YLPM1: variants seen among roughly 807,000 people sequenced by gnomAD.
YLPM1 encodes YLP motif-containing protein 1.
YLPM1 carries 99 observed loss-of-function variants against 230.0 expected under a neutral mutation model. The observed-to-expected ratio is 0.43, with a 90% CI of 0.37 to 0.51. The LOEUF is 0.51. YLPM1 is among the 20% of genes least tolerant of loss of function. The pLI, the probability that YLPM1 is intolerant of heterozygous loss-of-function variation, is 0.00. For missense variants in YLPM1, 2,592 were observed against 2,707.7 expected, an observed-to-expected ratio of 0.96 and a Z score of 0.95; for synonymous variants, 984 against 942.5, an observed-to-expected ratio of 1.04 and a Z score of -0.81.
At chr14:74,764,481 A>G in intron 1 of YLPM1, 119 bp downstream of exon 1, 6 of 1,300,022 alleles carry the variant, frequency 4.6e-6, no homozygotes, top group South Asian at 1.7e-5. Context: ...TAACACTCCA[A>G]AGGATTCCGT....
chr14:74,780,452 A>G lies in YLPM1; in HGVS notation c.1158A>G (p.Ala386=), dbSNP rs2091081708. Residue 386 remains alanine (A), a synonymous_variant, in exon 3 of 21, where the codon GCA becomes GCG. Transcript: ENST00000325680. ...CCAGGTTAAAGCAGTTGCAGGCTGCAGCAGCACACTGGCAGCAGCACCAGC... is the reference window on the plus strand; with the variant it reads ...CCAGGTTAAAGCAGTTGCAGGCTGCGGCAGCACACTGGCAGCAGCACCAGC... ...EDARLKQLQA[A]AAHWQQHQQH... 5 of 1,613,790 alleles carry G rather than the reference A, an allele frequency of 3.1e-6. No homozygotes were observed. The South Asian group carries it at 5.5e-5, about 18-fold the overall frequency.
Position 74,811,600 on chromosome 14 carries a change from C to T in YLPM1, c.5229-20C>T, listed in dbSNP as rs1342579463. 1 of 1,577,486 alleles carries T rather than the reference C, an allele frequency of 6.3e-7. No individual in the cohort carries two copies. The highest frequency in any genetic ancestry group is 1.1e-5 in the South Asian group (1 of 87,202). On this transcript the variant is annotated intron_variant, in intron 9 of 20. Transcript: ENST00000325680. ...CAAATATTTTTTATTTGCTGAAGCG[C>T]TTCCTATTACACCTTCTAGAGCTCA...
intron 1 of YLPM1, among the ~76,000 whole-genome samples, chr14:74,769,259 CTTTTTTTT>C (rs34023289): frequency 7.8e-5 from 3 of 38,410 alleles, no homozygotes; most frequent in Non-Finnish European, 1.1e-4. Context: ...GTATTTTTAT[CTTTTTTTT>C]TTTTTTTTTT....
intron 6 of YLPM1, among the ~76,000 whole-genome samples, chr14:74,804,865 TG>T (rs1301010993): frequency 6.6e-6 from 1 of 152,220 alleles, no homozygotes; most frequent in Admixed American, 6.5e-5. Flanking sequence ...CTTTCCATAT[TG>T]TTATATGCTA....
intron 9 of YLPM1, 134 bp from the exon 10 acceptor site, chr14:74,811,483 CAAA>C: frequency 6.5e-6 from 3 of 463,524 alleles, no homozygotes; most frequent in South Asian, 5.6e-5. Context: ...ACCCCAATCT[CAAA>C]AAAAAAAAGT....
At position 74,778,700 on chromosome 14, in the gene YLPM1, T is replaced by C. The variant is rs759252185; in HGVS notation, c.1110+17T>C. On this transcript the variant is annotated intron_variant, in intron 2 of 20. Coordinates refer to ENST00000325680, the MANE Select transcript of YLPM1 (RefSeq NM_019589.3). ...GAACCCCAGGTAACCATATAATTAATTGTTTGTGTTTATTAAATTATTTAG... is the reference window on the plus strand; with the variant it reads ...GAACCCCAGGTAACCATATAATTAACTGTTTGTGTTTATTAAATTATTTAG... The C allele has an allele frequency of 1.3e-6, 2 of 1,522,528 alleles. No individual in the cohort carries two copies. The highest frequency in any genetic ancestry group is 4.3e-5 in the Admixed American group (2 of 46,440). 94.3% of individuals were successfully genotyped at this position (1,522,528 alleles called of 1,614,324 possible).
Position 74,798,927 on chromosome 14 carries a change from T to C in YLPM1, c.3630T>C (p.Asn1210=). The change falls in exon 5 of 21, where the codon AAT becomes AAC. Residue 1210 remains asparagine (N), a synonymous_variant. Coordinates refer to ENST00000325680, the MANE Select transcript of YLPM1 (RefSeq NM_019589.3). ...GHEEFPLDGR[N]APMERERLDD... is the part of the protein sequence containing the mutation. ...AAGAGTTTCCATTAGATGGTAGAAA[T>C]GCTCCAATGGAACGAGAAAGACTCG... 1 of 1,613,706 alleles carries C rather than the reference T, an allele frequency of 6.2e-7. No homozygotes were observed. Among genetic ancestry groups the C allele is most frequent in the Non-Finnish European group, 8.5e-7 (1 of 1,179,826 alleles).
intron 18 of YLPM1, among the ~76,000 whole-genome samples, chr14:74,828,222 T>G (rs947224640): frequency 6.6e-6 from 1 of 152,214 alleles, no homozygotes; most frequent in African/African-American, 2.4e-5. Flanking sequence ...ACACTCTTTA[T>G]GGAATTCAAT....
At chr14:74,769,908 C>T (rs1205254384) in intron 1 of YLPM1, among the ~76,000 whole-genome samples, 4 of 134,486 alleles carry the variant, frequency 3.0e-5, no homozygotes, top group Admixed American at 7.6e-5. Context: ...GGTGGCCGGG[C>T]GCAGTGGCTC....
chr14:74,801,231 C>G (rs964502254), intron 5 of YLPM1, among the ~76,000 whole-genome samples: 6 of 152,118 alleles, frequency 3.9e-5, no homozygotes, highest in Non-Finnish European at 5.9e-5. Context: ...TGGATAATGT[C>G]ATAGCCGAAT....
At chr14:74,831,792 G>A (rs1179806393) in intron 19 of YLPM1, among the ~76,000 whole-genome samples, 3 of 152,174 alleles carry the variant, frequency 2.0e-5, no homozygotes, top group Non-Finnish European at 1.5e-5. Context: ...GGGTTTCTTT[G>A]TTTCTGTGAT....
chr14:74,818,163 A>G (rs896692765), intron 15 of YLPM1, 68 bp from the exon 16 acceptor site: 1 of 902,112 alleles, frequency 1.1e-6, no homozygotes, highest in African/African-American at 1.7e-5. Flanking sequence ...AATGTTGTTT[A>G]TCTTGGATGC....
At position 74,780,582 on chromosome 14, in the gene YLPM1, C is replaced by T. The variant is rs1239357033; in HGVS notation, c.1288C>T (p.Gln430Ter). ...GATTATACAGCCCCCACCACATATA[C>T]AGGCAAGTGCTTCCATAGTCCACAA... ...QQIIQPPPHI[Q>*]TMSVDMQLRH... Residue 430 changes from glutamine to a stop codon, truncating the protein, a stop_gained and splice_region_variant, in exon 3 of 21, where the codon CAG becomes TAG. Transcript: ENST00000325680. LOFTEE classifies it high-confidence loss of function. 1.9e-6 allele frequency: 3 copies of T among 1,605,824 alleles called. No homozygotes were observed. The highest frequency in any genetic ancestry group is 1.3e-5 in the African/African-American group (1 of 74,750).
intron 1 of YLPM1, among the ~76,000 whole-genome samples, chr14:74,769,259 C>CTTTTTTTTTTTTTT (rs34023289): frequency 2.6e-5 from 1 of 38,400 alleles, no homozygotes; most frequent in African/African-American, 7.4e-5. Context: ...GTATTTTTAT[C>CTTTTTTTTTTTTTT]TTTTTTTTTT....
intron 1 of YLPM1, among the ~76,000 whole-genome samples, chr14:74,772,305 T>G (rs189142201): frequency 6.6e-6 from 1 of 151,486 alleles, no homozygotes; most frequent in Non-Finnish European, 1.5e-5. Flanking sequence ...TATTCGTGCC[T>G]CGGCAGCATC....
chr14:74,766,191 G>A (rs2090909602), intron 1 of YLPM1, among the ~76,000 whole-genome samples: 1 of 152,142 alleles, frequency 6.6e-6, no homozygotes, highest in African/African-American at 2.4e-5. Context: ...CCACAGATTT[G>A]TTGAATAAAA....
At chr14:74,774,669 G>A (rs925077106) in intron 1 of YLPM1, among the ~76,000 whole-genome samples, 3 of 152,100 alleles carry the variant, frequency 2.0e-5, no homozygotes, top group African/African-American at 4.8e-5. Context: ...GCCTCCCAGA[G>A]TGCTGGGATT....
Position 74,781,898 on chromosome 14 carries a change from A to T in YLPM1, c.1855A>T (p.Met619Leu). 6.2e-7 allele frequency: 1 copy of T among 1,612,996 alleles called. No homozygotes were observed. Among genetic ancestry groups the T allele is most frequent in the Non-Finnish European group, 8.5e-7 (1 of 1,179,682 alleles). Residue 619 changes from methionine to leucine, a missense_variant, in exon 4 of 21, where the codon ATG becomes TTG. Transcript: ENST00000325680. ...CTCTTCAACAGCACCTCCACCTGTC[A>T]TGCCCCTCCCACCATTGTCTTCAGC... Reference protein sequence around the residue: ...SLSSTAPPPVMPLPPLSSATP... With the variant: ...SLSSTAPPPVLPLPPLSSATP...
In YLPM1 at chr14:74,829,327, A is replaced by C. The variant is rs768559715; in HGVS notation, c.6278A>C (p.Glu2093Ala). 6.2e-7 allele frequency: 1 copy of C among 1,613,080 alleles called. No individual in the cohort carries two copies. Among genetic ancestry groups the C allele is most frequent in the South Asian group, 1.1e-5 (1 of 91,072 alleles). The change falls in exon 19 of 21, where the codon GAG (glutamate) becomes GCG (alanine). Residue 2093 changes from glutamate to alanine, a missense_variant. Glu to Ala is a moderately radical substitution (Grantham distance 107, BLOSUM62 -1). Coordinates refer to ENST00000325680, the MANE Select transcript of YLPM1 (RefSeq NM_019589.3). ...LPDDYDTRAS[E>A]PGKKRVRWAD... ...GATGATTATGATACTCGTGCTTCTG[A>C]GCCTGGGAAGAAGAGGGTAAGAGAC...
Sources: gnomAD v4.1 joint callset for allele counts (sites outside exome capture counted in the v4.1 genomes callset) on GRCh38, gnomAD v4.1.1 for gene constraint, MANE v1.5 for transcripts, NCBI Gene and HGNC (gene_info 2026-07-23, HGNC 2026-07-21) for gene names.